Variants in ZNF704 observed in about 807,000 individuals in gnomAD.
ZNF704 encodes the protein zinc finger protein 704, also known as glucocorticoid induced gene 1.
ZNF704 carries 10 observed loss-of-function variants against 44.7 expected under a neutral mutation model. The ratio of observed to expected loss-of-function variants is 0.22; its 90% CI spans 0.14 to 0.38. The LOEUF is 0.38. Ranked by LOEUF, ZNF704 falls within the 10% of genes least tolerant of loss-of-function variation. The pLI, the probability that ZNF704 is intolerant of heterozygous loss-of-function variation, is 1.00. For missense variants in ZNF704, 390 were observed against 545.5 expected, an observed-to-expected ratio of 0.71 and a Z score of 2.84; for synonymous variants, 211 against 207.6, an observed-to-expected ratio of 1.02 and a Z score of -0.14.
At chr8:80,787,341 C>A (rs1807631705) in intron 2 of ZNF704, among the ~76,000 whole-genome samples, 1 of 152,176 alleles carries the variant, frequency 6.6e-6, no homozygotes, top group African/African-American at 2.4e-5. Flanking sequence ...CACACACACT[C>A]ACCTTAAAGG....
intron 4 of ZNF704, among the ~76,000 whole-genome samples, chr8:80,681,614 G>A (rs1020764539): frequency 6.6e-6 from 1 of 152,094 alleles, no homozygotes; most frequent in African/African-American, 2.4e-5. Flanking sequence ...ATTTTATTCT[G>A]TGAAAATTAT....
chr8:80,717,845 G>A (rs1426456474), intron 2 of ZNF704, among the ~76,000 whole-genome samples: 2 of 152,132 alleles, frequency 1.3e-5, no homozygotes, highest in Non-Finnish European at 2.9e-5. Context: ...CTGAATGAAA[G>A]CTAAACCTCT....
intron 2 of ZNF704, among the ~76,000 whole-genome samples, chr8:80,760,043 C>T (rs1348371391): frequency 1.3e-5 from 2 of 151,304 alleles, no homozygotes; most frequent in East Asian, 2.0e-4. Context: ...AGGCATGAAC[C>T]ATTGCATCCA....
At chr8:80,753,537 T>C (rs1343818434) in intron 2 of ZNF704, among the ~76,000 whole-genome samples, 1 of 152,080 alleles carries the variant, frequency 6.6e-6, no homozygotes, top group Non-Finnish European at 1.5e-5. Context: ...CCTTCCCCAT[T>C]GATGCATTTC....
intron 2 of ZNF704, among the ~76,000 whole-genome samples, chr8:80,725,689 C>G (rs1406074029): frequency 1.3e-5 from 2 of 152,062 alleles, no homozygotes; most frequent in South Asian, 2.1e-4. Context: ...GAGACAATAT[C>G]CTTCATGAAA....
intron 2 of ZNF704, among the ~76,000 whole-genome samples, chr8:80,710,068 C>A (rs543641721): frequency 2.6e-5 from 4 of 152,172 alleles, no homozygotes; most frequent in Non-Finnish European, 5.9e-5. Context: ...CCTACCCAGC[C>A]TGGGTGGCAC....
chr8:80,859,996 C>T (rs1054527659), intron 1 of ZNF704, among the ~76,000 whole-genome samples: 3 of 152,210 alleles, frequency 2.0e-5, no homozygotes, highest in South Asian at 2.1e-4. Flanking sequence ...CTACCCTACA[C>T]GTGCACACAC....
chr8:80,663,807 G>C (rs954043406), intron 6 of ZNF704, among the ~76,000 whole-genome samples: 4 of 151,648 alleles, frequency 2.6e-5, no homozygotes, highest in African/African-American at 9.7e-5. Context: ...GCTCACTGCA[G>C]CCTCAAACTC....
At chr8:80,741,239 C>A (rs982437646) in intron 2 of ZNF704, among the ~76,000 whole-genome samples, 1 of 152,166 alleles carries the variant, frequency 6.6e-6, no homozygotes, top group Non-Finnish European at 1.5e-5. Context: ...GTAAGATGGA[C>A]ACCTGAAGCA....
rs1167727678 is a variant in ZNF704, at chr8:80,630,755, T to C, written c.*10611A>G. 2 of 152,186 alleles carry C rather than the reference T, an allele frequency of 1.3e-5. No individual in the cohort carries two copies. The highest frequency in any genetic ancestry group is 4.8e-5 in the African/African-American group (2 of 41,458). The allele number at this position is 152,186 out of a possible 1,614,324, so 9.4% of individuals were successfully genotyped here. A position where few individuals can be genotyped will look rare whatever the true frequency, so the allele number is the denominator to read the frequency against. Reference sequence around the variant, plus strand: ...ATAGGATTTTGATACGCAAAACACTTTGGAAACTATTCTAGTGTCTGGTTA... The same window carrying C: ...ATAGGATTTTGATACGCAAAACACTCTGGAAACTATTCTAGTGTCTGGTTA... On this transcript the variant is annotated 3_prime_UTR_variant, in exon 9 of 9. Transcript: ENST00000327835.
At chr8:80,843,959 G>GTA (rs1395395557) in intron 1 of ZNF704, among the ~76,000 whole-genome samples, 4 of 139,154 alleles carry the variant, frequency 2.9e-5, no homozygotes, top group Admixed American at 7.0e-5. Flanking sequence ...ATATATATGT[G>GTA]TATATATATG....
chr8:80,820,231 C>G (rs1393690422), intron 2 of ZNF704, among the ~76,000 whole-genome samples: 7 of 152,014 alleles, frequency 4.6e-5, no homozygotes, highest in Admixed American at 2.6e-4. Flanking sequence ...ATCTAAAATC[C>G]CTGCTGACGT....
intron 2 of ZNF704, among the ~76,000 whole-genome samples, chr8:80,704,521 G>A (rs1327831497): frequency 2.0e-5 from 3 of 152,166 alleles, no homozygotes; most frequent in Admixed American, 6.5e-5. Flanking sequence ...GCTTCTGGAT[G>A]GTGCCAGTCA....
chr8:80,759,360 C>A (rs941043594), intron 2 of ZNF704, among the ~76,000 whole-genome samples: 4 of 149,666 alleles, frequency 2.7e-5, no homozygotes, highest in Non-Finnish European at 5.9e-5. Flanking sequence ...ATATTTAAAT[C>A]AACATTTTGG....
intron 2 of ZNF704, among the ~76,000 whole-genome samples, chr8:80,795,379 A>G (rs868545933): frequency 3.3e-5 from 5 of 152,234 alleles, no homozygotes; most frequent in South Asian, 4.1e-4. Flanking sequence ...TAAGATACTT[A>G]GACTGTCATC....
intron 2 of ZNF704, among the ~76,000 whole-genome samples, chr8:80,708,346 C>T (rs1317270582): frequency 6.6e-6 from 1 of 152,208 alleles, no homozygotes; most frequent in Non-Finnish European, 1.5e-5. Flanking sequence ...GGCATAACAG[C>T]AGATCAGTAA....
In ZNF704 at chr8:80,638,962, A is replaced by T. The variant is rs937042223; in HGVS notation, c.*2404T>A. 3 of 152,398 alleles carry T rather than the reference A, an allele frequency of 2.0e-5. No individual in the cohort carries two copies. The highest frequency in any genetic ancestry group is 4.4e-5 in the Non-Finnish European group (3 of 68,172). The allele number at this position is 152,398 out of a possible 1,614,324, so 9.4% of individuals were successfully genotyped here. On this transcript the variant is annotated 3_prime_UTR_variant, in exon 9 of 9. Transcript: ENST00000327835. ...CTGTGCACTGGCTGAACACCAGATA[A>T]GGACTGAGCTTGGCTCAGCTAAGCT...
At chr8:80,787,099 G>A (rs1807627548) in intron 2 of ZNF704, among the ~76,000 whole-genome samples, 1 of 152,152 alleles carries the variant, frequency 6.6e-6, no homozygotes. Flanking sequence ...TTGAACCACT[G>A]CAATAACCTC....
chr8:80,860,575 C>A (rs16908097), intron 1 of ZNF704, among the ~76,000 whole-genome samples: 8,534 of 152,282 alleles, frequency 0.056, 265 homozygotes, highest in Middle Eastern at 0.14. Flanking sequence ...ATGCACCACA[C>A]AAAGGATCTG....
Sources: gnomAD v4.1 joint callset for allele counts (sites outside exome capture counted in the v4.1 genomes callset) on GRCh38, gnomAD v4.1.1 for gene constraint, MANE v1.5 for transcripts, NCBI Gene and HGNC (gene_info 2026-07-23, HGNC 2026-07-21) for gene names.